The following MST1R variants were observed in gnomAD, a reference collection of about 807,000 sequenced individuals.
MST1R encodes the protein macrophage-stimulating protein receptor.
In MST1R, 99 loss-of-function variants were observed where a neutral mutation model predicts 117.8. That is an observed-to-expected ratio of 0.84 (90% CI 0.71 to 0.99). The LOEUF (loss-of-function observed/expected upper bound fraction) is 0.99. Ranked by LOEUF, MST1R falls within the 50% of genes least tolerant of loss-of-function variation. The pLI, the probability that MST1R is intolerant of heterozygous loss-of-function variation, is 0.00. For missense variants in MST1R, 1,683 were observed against 1,840.2 expected (o/e 0.91, Z 1.56); for synonymous variants, 734 against 765.3 (o/e 0.96, Z 0.68).
chr3:49,898,073 G>A lies in MST1R; in HGVS notation c.1858C>T (p.Pro620Ser), dbSNP rs1346355302. The A allele has an allele frequency of 6.2e-7, 1 of 1,614,122 alleles. No individual in the cohort carries two copies. Among genetic ancestry groups the A allele is most frequent in the South Asian group, 1.1e-5 (1 of 91,084 alleles). ...TVGQSPCRPL[P>S]KDSSKLRPVP... Reference sequence around the variant, plus strand: ...TACCTGAGTTTTGAGCTGTCCTTGGGCAGTGGCCGGCAGGGACTTTGGCCC... The same window carrying A: ...TACCTGAGTTTTGAGCTGTCCTTGGACAGTGGCCGGCAGGGACTTTGGCCC... The change falls in exon 5 of 20, where the codon CCC (proline) becomes TCC (serine). Residue 620 changes from proline (P) to serine (S), a missense_variant. Coordinates refer to ENST00000296474, the MANE Select transcript of MST1R (RefSeq NM_002447.4).
intron 17 of MST1R, 83 bp downstream of exon 17, chr3:49,891,114 G>A (rs1172557048): frequency 1.6e-6 from 2 of 1,221,452 alleles, no homozygotes; most frequent in Non-Finnish European, 2.4e-6. Flanking sequence ...GGCTGGAGTG[G>A]GCCCTTCCCT....
chr3:49,902,613 G>A lies in MST1R; in HGVS notation c.997C>T (p.Leu333Phe), dbSNP rs1180289284. 1 of 1,613,450 alleles carries A rather than the reference G, an allele frequency of 6.2e-7. No homozygotes were observed. Among genetic ancestry groups the A allele is most frequent in the African/African-American group, 1.3e-5 (1 of 74,958 alleles). Residue 333 changes from leucine (L) to phenylalanine (F), a missense_variant, in exon 1 of 20, where the codon CTT (leucine) becomes TTT (phenylalanine). Leu to Phe is a conservative substitution (Grantham distance 22). Coordinates refer to ENST00000296474, the MANE Select transcript of MST1R (RefSeq NM_002447.4). Reference protein sequence around the residue: ...VAHSAPVGAQLATELSIAEGQ... With the variant: ...VAHSAPVGAQFATELSIAEGQ... ...TCGGCGATGCTCAGCTCAGTGGCAA[G>A]TTGGGCACCCACTGGAGCGGAGTGG...
chr3:49,896,943 C>G (rs923915608), intron 7 of MST1R, 53 bp from the exon 8 acceptor site: 32 of 1,448,204 alleles, frequency 2.2e-5, no homozygotes, highest in Admixed American at 5.7e-5. Context: ...ATGGCCAGGC[C>G]CACTTCTTCC....
intron 19 of MST1R, 133 bp downstream of exon 19, chr3:49,889,791 T>C (rs1196818168): frequency 2.2e-5 from 24 of 1,096,384 alleles, no homozygotes; most frequent in South Asian, 1.1e-4. Context: ...GATGAGGAAA[T>C]TGAGGCCCAG....
In MST1R at chr3:49,903,535, C is replaced by T; in HGVS notation, c.75G>A (p.Glu25=). The T allele has an allele frequency of 1.2e-6, 2 of 1,602,742 alleles. No individual in the cohort carries two copies. Among genetic ancestry groups the T allele is most frequent in the South Asian group, 2.2e-5 (2 of 90,870 alleles). Residue 25 remains glutamate (E), a synonymous_variant, in exon 1 of 20, where the codon GAG becomes GAA. Transcript: ENST00000296474. The part of the protein sequence containing the change: ...LLLPAKPAAG[E]DWQCPRTPYA... Reference sequence around the variant, plus strand: ...AGGGGGTGCGCGGGCACTGCCAGTCCTCGCCCGCCGCGGGCTTGGCAGGCA... The same window carrying T: ...AGGGGGTGCGCGGGCACTGCCAGTCTTCGCCCGCCGCGGGCTTGGCAGGCA...
chr3:49,903,546 C>G lies in MST1R; in HGVS notation c.64G>C (p.Ala22Pro). Residue 22 changes from alanine (A) to proline (P), a missense_variant, in exon 1 of 20, where the codon GCG becomes CCG. By Grantham distance (27) the Ala-to-Pro change is conservative. Coordinates refer to ENST00000296474, the MANE Select transcript of MST1R (RefSeq NM_002447.4). ...LLLLLLPAKP[A>P]AGEDWQCPRT... ...GGGCACTGCCAGTCCTCGCCCGCCG[C>G]GGGCTTGGCAGGCAACAGCAGCAGC... 6.3e-7 allele frequency: 1 copy of G among 1,598,258 alleles called. No homozygotes were observed. Among genetic ancestry groups the G allele is most frequent in the Admixed American group, 1.7e-5 (1 of 59,784 alleles).
Position 49,897,628 on chromosome 3 carries a change from G to GC in MST1R, c.1937dup (p.Thr647HisfsTer15). On this transcript the variant is annotated frameshift_variant, in exon 6 of 20. Coordinates refer to ENST00000296474, the MANE Select transcript of MST1R (RefSeq NM_002447.4). LOFTEE classifies it high-confidence loss of function. ...CGTTGGTAGGCCCCACTGCCTGGGT[G>GC]CCCAAGGGCTCCAGTTCACACTCAA... 6.2e-7 allele frequency: 1 copy of GC among 1,614,160 alleles called. No homozygotes were observed. The highest frequency in any genetic ancestry group is 1.1e-5 in the South Asian group (1 of 91,090).
chr3:49,899,286 A>T lies in MST1R; in HGVS notation c.1231-23T>A. 3 of 1,613,040 alleles carry T rather than the reference A, an allele frequency of 1.9e-6. No homozygotes were observed. In the South Asian group the frequency reaches 3.3e-5, roughly 18 times the overall value. ...AGGCTGGGAAAGGTCAGGGAAGGGA[A>T]GGAGTCAGGGTTCAGCCTTGTGCCC... On this transcript the variant is annotated intron_variant, in intron 1 of 19. Coordinates refer to ENST00000296474, the MANE Select transcript of MST1R (RefSeq NM_002447.4).
Position 49,899,235 on chromosome 3 carries a change from G to A in MST1R, c.1259C>T (p.Thr420Ile), listed in dbSNP as rs1471738292. 1.2e-6 allele frequency: 2 copies of A among 1,614,058 alleles called. No homozygotes were observed. Among genetic ancestry groups the A allele is most frequent in the African/African-American group, 2.7e-5 (2 of 74,948 alleles). Residue 420 changes from threonine to isoleucine, a missense_variant, in exon 2 of 20, where the codon ACC becomes ATC. Transcript: ENST00000296474. ...CAGCAGAGGGAAGTGGCGGCAGCTGGTGTTGGGGCTGAGGGCTTCCAGGCC... is the reference window on the plus strand; with the variant it reads ...CAGCAGAGGGAAGTGGCGGCAGCTGATGTTGGGGCTGAGGGCTTCCAGGCC... ...PPGLEALSPN[T>I]SCRHFPLLVS...
In MST1R at chr3:49,897,675, G is replaced by A. The variant is rs760946033; in HGVS notation, c.1891C>T (p.Arg631Trp). 8.1e-6 allele frequency: 13 copies of A among 1,612,318 alleles called. No individual in the cohort carries two copies. The highest frequency in any genetic ancestry group is 3.3e-5 in the South Asian group (3 of 90,818). The change falls in exon 6 of 20, where the codon CGG becomes TGG. Residue 631 changes from arginine to tryptophan, a missense_variant. Arg to Trp is a moderately radical substitution (Grantham distance 101). Coordinates refer to ENST00000296474, the MANE Select transcript of MST1R (RefSeq NM_002447.4). ...TCAAACTCCTCTACAAAGTCTTTCC[G>A]GGGCACTGGTCTGGGGCACCAGGGG... ...KDSSKLRPVPRKDFVEEFECE... is the reference protein window; with the variant it reads ...KDSSKLRPVPWKDFVEEFECE...
At position 49,899,268 on chromosome 3, in the gene MST1R, GA is replaced by G; in HGVS notation, c.1231-6del. On this transcript the variant is annotated splice_region_variant and splice_polypyrimidine_tract_variant and intron_variant, in intron 1 of 19. Coordinates refer to ENST00000296474, the MANE Select transcript of MST1R (RefSeq NM_002447.4). ...GCTGAGGGCTTCCAGGCCAGGCTGG[GA>G]AAGGTCAGGGAAGGGAAGGAGTCAG... 6.2e-7 allele frequency: 1 copy of G among 1,613,750 alleles called. No homozygotes were observed. The highest frequency in any genetic ancestry group is 1.1e-5 in the South Asian group (1 of 91,060).
rs1486422758 is a variant in MST1R at position 49,903,618 on chromosome 3, G to A, written c.-9C>T. 6.4e-7 allele frequency: 1 copy of A among 1,552,484 alleles called. No homozygotes were observed. Among genetic ancestry groups the A allele is most frequent in the Non-Finnish European group, 8.7e-7 (1 of 1,155,736 alleles). On this transcript the variant is annotated 5_prime_UTR_variant, in exon 1 of 20. Transcript: ENST00000296474. Reference sequence around the variant, plus strand: ...GGCGGGAGGAGCTCCATCGAGGCGAGCTGGGACCCTAGAGGATCCCTACCG... The same window carrying A: ...GGCGGGAGGAGCTCCATCGAGGCGAACTGGGACCCTAGAGGATCCCTACCG...
At chr3:49,891,160 G>A in intron 17 of MST1R, 37 bp downstream of exon 17, 1 of 1,587,890 alleles carries the variant, frequency 6.3e-7, no homozygotes. Flanking sequence ...CTCATGCCCT[G>A]TCCTTTTGCT....
In MST1R at chr3:49,891,852, CATA is replaced by C. The variant is rs1559469623; in HGVS notation, c.3272-17_3272-15del. 6.2e-7 allele frequency: 1 copy of C among 1,613,144 alleles called. No individual in the cohort carries two copies. On this transcript the variant is annotated splice_polypyrimidine_tract_variant and intron_variant, in intron 14 of 19. Transcript: ENST00000296474. ...CTCCAAAGTGGCCTGGTGTGAGGTG[CATA>C]ATGAGTCGATGAGAGGGGATCCAGG... is the stretch of plus-strand genomic sequence containing the variant.
At chr3:49,898,845 G>A (rs201143436) in intron 3 of MST1R, 22 bp downstream of exon 3, 24,473 of 1,613,712 alleles carry the variant, frequency 0.015, 247 homozygotes, top group Non-Finnish European at 0.018. Context: ...CTGGCCCCAG[G>A]CCCTGCCCCT....
rs755063677 is a variant in MST1R at position 49,897,365 on chromosome 3, T to C, written c.2098A>G (p.Thr700Ala). Residue 700 changes from threonine (T) to alanine (A), a missense_variant, in exon 7 of 20, where the codon ACC (threonine) becomes GCC (alanine). By Grantham distance (58) the Thr-to-Ala change is moderately conservative. Coordinates refer to ENST00000296474, the MANE Select transcript of MST1R (RefSeq NM_002447.4). The stretch of plus-strand genomic sequence containing the variant: ...CTCTGGCCTTCAAGAGTGAGACAGG[T>C]GCCTCCTGCCCGTGGGCCAAAGAGG... ...QPLFGPRAGG[T>A]CLTLEGQSLS... The C allele has an allele frequency of 6.2e-7, 1 of 1,613,888 alleles. No homozygotes were observed. The highest frequency in any genetic ancestry group is 8.5e-7 in the Non-Finnish European group (1 of 1,179,946).
At position 49,903,393 on chromosome 3, in the gene MST1R, C is replaced by T; in HGVS notation, c.217G>A (p.Ala73Thr). The change falls in exon 1 of 20, where the codon GCC becomes ACC. Residue 73 changes from alanine (A) to threonine (T), a missense_variant. Transcript: ENST00000296474. ...GDRNESAVFV[A>T]IRNRLHVLGP... is the part of the protein sequence containing the mutation. ...AGCACATGCAGGCGATTGCGTATGG[C>T]TACAAACACAGCACTCTCATTTCTG... The T allele has an allele frequency of 3.1e-6, 5 of 1,614,040 alleles. No homozygotes were observed. Among genetic ancestry groups the T allele is most frequent in the Non-Finnish European group, 4.2e-6 (5 of 1,180,026 alleles).
rs929248121 is a variant in MST1R, at chr3:49,902,854, G to C, written c.756C>G (p.Ser252Arg). 4.3e-6 allele frequency: 7 copies of C among 1,613,544 alleles called. No individual in the cohort carries two copies. The African/African-American group carries it at 9.3e-5, about 22-fold the overall frequency. ...LVSYSIEYVH[S>R]FHTGAFVYFL... ...AGTATACGAAGGCTCCCGTGTGGAA[G>C]CTGTGCACGTATTCAATACTGTAGG... The change falls in exon 1 of 20, where the codon AGC becomes AGG. Residue 252 changes from serine (S) to arginine (R), a missense_variant. By Grantham distance (110) the Ser-to-Arg change is moderately radical (BLOSUM62 -1). Transcript: ENST00000296474.
intron 14 of MST1R, 95 bp downstream of exon 14, chr3:49,895,072 A>G: frequency 3.6e-6 from 5 of 1,376,336 alleles, no homozygotes; most frequent in South Asian, 3.6e-5. Context: ...CGGCCTCCCA[A>G]AGTGCTGGGA....
Sources: allele counts gnomAD v4.1 joint callset, GRCh38; gene constraint gnomAD v4.1.1; transcripts MANE v1.5; gene names NCBI Gene and HGNC (gene_info 2026-07-23, HGNC 2026-07-21).